The following PLCB4 variants were observed in gnomAD, a reference collection of about 807,000 sequenced individuals.
The protein encoded by PLCB4 is 1-phosphatidylinositol 4,5-bisphosphate phosphodiesterase beta-4.
In PLCB4, 77 loss-of-function variants were observed where a neutral mutation model predicts 178.8. That is an observed-to-expected ratio of 0.43 (90% confidence interval 0.36 to 0.52). The LOEUF is 0.52. Among genes scored for constraint, PLCB4 ranks in the 20% least tolerant of loss-of-function variants. PLCB4 has a pLI of 0.00. For missense variants in PLCB4, 1,024 were observed against 1,453.4 expected (o/e 0.70, Z 4.80); for synonymous variants, 496 against 490.8 (o/e 1.01, Z -0.14).
chr20:9,270,603 A>G (rs1318586697), intron 3 of PLCB4, among the ~76,000 whole-genome samples: 3 of 152,100 alleles, frequency 2.0e-5, no homozygotes, highest in Non-Finnish European at 1.5e-5. Flanking sequence ...CAAACTCTCC[A>G]TATATTTTTA....
At chr20:9,295,276 G>A (rs1010775163) in intron 3 of PLCB4, among the ~76,000 whole-genome samples, 1 of 152,116 alleles carries the variant, frequency 6.6e-6, no homozygotes, top group East Asian at 1.9e-4. Context: ...TCCTACTAAG[G>A]GAGAAGTTGT....
At chr20:9,216,153 T>C (rs1164551800) in intron 2 of PLCB4, among the ~76,000 whole-genome samples, 3 of 152,114 alleles carry the variant, frequency 2.0e-5, no homozygotes, top group Admixed American at 1.3e-4. Context: ...TCTTACCATA[T>C]GGAAATGGGC....
At chr20:9,302,505 C>T (rs772220876) in intron 3 of PLCB4, among the ~76,000 whole-genome samples, 16 of 152,086 alleles carry the variant, frequency 1.1e-4, no homozygotes, top group Admixed American at 1.3e-4. Flanking sequence ...AGAACAGCCT[C>T]GACCACAGCC....
At chr20:9,090,311 C>T (rs1027778597) in intron 1 of PLCB4, among the ~76,000 whole-genome samples, 1 of 151,272 alleles carries the variant, frequency 6.6e-6, no homozygotes, top group East Asian at 1.9e-4. Context: ...ATTTGTTTAT[C>T]TTTCCAAAGA....
intron 3 of PLCB4, among the ~76,000 whole-genome samples, chr20:9,228,948 C>T (rs940897198): frequency 5.3e-5 from 8 of 152,140 alleles, no homozygotes; most frequent in African/African-American, 1.9e-4. Flanking sequence ...TCGGGCCAGC[C>T]AGAACTCACC....
intron 2 of PLCB4, among the ~76,000 whole-genome samples, chr20:9,118,656 G>C (rs2091862150): frequency 6.6e-6 from 1 of 152,056 alleles, no homozygotes; most frequent in Admixed American, 6.6e-5. Context: ...ACAGTGGAGG[G>C]CTAGAACAGA....
At chr20:9,244,642 C>G (rs1019513999) in intron 3 of PLCB4, among the ~76,000 whole-genome samples, 1 of 152,152 alleles carries the variant, frequency 6.6e-6, no homozygotes, top group Admixed American at 6.5e-5. Flanking sequence ...CAGGACTTTA[C>G]TGTATGTACT....
intron 1 of PLCB4, among the ~76,000 whole-genome samples, chr20:9,094,613 C>T (rs1162015840): frequency 6.6e-6 from 1 of 152,140 alleles, no homozygotes; most frequent in African/African-American, 2.4e-5. Context: ...TACACTGTAA[C>T]AAACTCATGG....
intron 7 of PLCB4, among the ~76,000 whole-genome samples, chr20:9,341,693 G>A (rs2148093068): frequency 6.6e-6 from 1 of 151,858 alleles, no homozygotes; most frequent in East Asian, 1.9e-4. Flanking sequence ...ATGTATAAGT[G>A]GGCCCACATA....
chr20:9,118,558 G>A (rs2091859713), intron 2 of PLCB4, among the ~76,000 whole-genome samples: 1 of 151,954 alleles, frequency 6.6e-6, no homozygotes, highest in Non-Finnish European at 1.5e-5. Flanking sequence ...AAGATCTGGT[G>A]TGTAATTTAC....
chr20:9,248,009 A>G (rs2094142745), intron 3 of PLCB4, among the ~76,000 whole-genome samples: 1 of 152,176 alleles, frequency 6.6e-6, no homozygotes, highest in Admixed American at 6.5e-5. Flanking sequence ...TTATTAATAG[A>G]GTTAAGCAGA....
chr20:9,373,827 C>T lies in PLCB4; in HGVS notation c.744+723C>T, dbSNP rs140916081. On this transcript the variant is annotated intron_variant, in intron 12 of 39. Coordinates refer to ENST00000378473, the MANE Select transcript of PLCB4 (RefSeq NM_001377142.1). ...CTTTTATTACAACTAAAATGAACTA[C>T]TTTTTTCTTCACACATACAAAAAAA... Among the ~76,000 whole-genome samples, 376 of 152,220 alleles carry T rather than the reference C, an allele frequency of 2.5e-3. 2 individuals are homozygous for T. The highest frequency in any genetic ancestry group is 7.7e-3 in the African/African-American group (318 of 41,538).
intron 3 of PLCB4, among the ~76,000 whole-genome samples, chr20:9,285,102 T>G (rs954755109): frequency 1.3e-5 from 2 of 150,618 alleles, no homozygotes; most frequent in African/African-American, 4.9e-5. Flanking sequence ...AACAAGGAAC[T>G]TTCTGTGTAA....
rs78954100 is a variant in PLCB4 at position 9,286,206 on chromosome 20, A to G, written c.-15-21594A>G. Among the ~76,000 whole-genome samples, 1,515 of 152,104 alleles carry G rather than the reference A, an allele frequency of 1.0e-2. 31 individuals carry two copies. Among genetic ancestry groups the G allele is most frequent in the African/African-American group, 0.035 (1,448 of 41,540 alleles). ...AGGAGTTTTAGGGGTTTTTCCATCT[A>G]CTTTTAAATTCTTGGACATAGATGC... On this transcript the variant is annotated intron_variant, in intron 3 of 39. Transcript: ENST00000378473.
At chr20:9,408,183 T>C in intron 22 of PLCB4, 125 bp downstream of exon 22, 2 of 801,000 alleles carry the variant, frequency 2.5e-6, no homozygotes, top group Non-Finnish European at 4.0e-6. Context: ...CCTCACCTTA[T>C]TTTTGTTTCA....
chr20:9,427,421 A>G (rs183742984), intron 28 of PLCB4, among the ~76,000 whole-genome samples: 145 of 152,292 alleles, frequency 9.5e-4, no homozygotes, highest in Non-Finnish European at 1.0e-3. Context: ...AATCATGAAA[A>G]CTTGGCTTAA....
intron 28 of PLCB4, among the ~76,000 whole-genome samples, chr20:9,433,482 A>G (rs2041566800): frequency 6.6e-6 from 1 of 152,222 alleles, no homozygotes; most frequent in South Asian, 2.1e-4. Flanking sequence ...GTTGGCTCCA[A>G]ATTAAATTTA....
chr20:9,242,760 A>G (rs2094079329), intron 3 of PLCB4, among the ~76,000 whole-genome samples: 1 of 152,162 alleles, frequency 6.6e-6, no homozygotes, highest in African/African-American at 2.4e-5. Flanking sequence ...AGCAGTATCC[A>G]TGTCACCTGA....
intron 4 of PLCB4, among the ~76,000 whole-genome samples, chr20:9,308,157 C>G (rs1188703881): frequency 6.6e-6 from 1 of 152,078 alleles, no homozygotes; most frequent in Non-Finnish European, 1.5e-5. Context: ...AACAACCTTA[C>G]AAGGTTGTTG....
Sources: gnomAD v4.1 joint callset for allele counts (sites outside exome capture counted in the v4.1 genomes callset) on GRCh38, gnomAD v4.1.1 for gene constraint, MANE v1.5 for transcripts, NCBI Gene and HGNC (gene_info 2026-07-23, HGNC 2026-07-21) for gene names.